IQSEC1: variants seen among roughly 807,000 people sequenced by gnomAD.
The protein encoded by IQSEC1 is IQ motif and Sec7 domain ArfGEF 1, also known as IQ motif and SEC7 domain-containing protein 1.
A neutral mutation model predicts 91.0 loss-of-function variants in IQSEC1; 31 were observed. The ratio of observed to expected loss-of-function variants is 0.34; its 90% CI spans 0.26 to 0.46. IQSEC1 has a LOEUF of 0.46. Among genes scored for constraint, IQSEC1 ranks in the 20% least tolerant of loss-of-function variants. The probability of loss-of-function intolerance (pLI) is 1.00; values close to 1 mark genes in which losing one functional copy is unlikely to be tolerated. For missense variants in IQSEC1, 1,388 were observed against 1,575.6 expected, an observed-to-expected ratio of 0.88 and a Z score of 2.02; for synonymous variants, 699 against 662.6, an observed-to-expected ratio of 1.05 and a Z score of -0.84.
chr3:13,138,506 G>A (rs1444760084), intron 2 of IQSEC1, among the ~76,000 whole-genome samples: 2 of 152,168 alleles, frequency 1.3e-5, no homozygotes, highest in East Asian at 3.9e-4. Flanking sequence ...CCCACTATCT[G>A]TCCAGGCTGT....
At chr3:13,122,437 T>A in intron 2 of IQSEC1, among the ~76,000 whole-genome samples, 1 of 151,910 alleles carries the variant, frequency 6.6e-6, no homozygotes. Context: ...GCAGTTGGGT[T>A]TTATTAGGTC....
intron 1 of IQSEC1, among the ~76,000 whole-genome samples, chr3:13,245,199 C>T (rs1004049921): frequency 1.3e-5 from 2 of 152,132 alleles, no homozygotes; most frequent in African/African-American, 4.8e-5. Flanking sequence ...GCTGGACTAG[C>T]GAAGCCATGA....
intron 1 of IQSEC1, among the ~76,000 whole-genome samples, chr3:13,194,120 C>G (rs527894122): frequency 6.6e-6 from 1 of 152,308 alleles, no homozygotes; most frequent in East Asian, 1.9e-4. Flanking sequence ...GCCACCACCA[C>G]GAGCTCATTT....
Position 12,935,478 on chromosome 3 carries a change from T to C in IQSEC1, c.1538A>G (p.His513Arg). The change falls in exon 3 of 14, where the codon CAC becomes CGC. Residue 513 changes from histidine (H) to arginine (R), a missense_variant. By Grantham distance (29) the His-to-Arg change is conservative. Coordinates refer to ENST00000613206, the MANE Select transcript of IQSEC1 (RefSeq NM_001134382.3). This position sits in a 1 kb window ranked among gnomAD's most constrained non-coding sequence, Gnocchi z 8.0. Reference protein sequence around the residue: ...AFSNDVIRKRHYRIGLNLFNK... With the variant: ...AFSNDVIRKRRYRIGLNLFNK... ...GAAGAGGTTCAGGCCGATGCGGTAG[T>C]GCCTCTTGCGGATGACATCGTTGCT... The C allele has an allele frequency of 1.2e-6, 2 of 1,613,542 alleles. No individual in the cohort carries two copies. Among genetic ancestry groups the C allele is most frequent in the Non-Finnish European group, 1.7e-6 (2 of 1,179,584 alleles).
At chr3:13,255,290 C>T (rs936503453) in intron 1 of IQSEC1, among the ~76,000 whole-genome samples, 2 of 152,132 alleles carry the variant, frequency 1.3e-5, no homozygotes, top group Non-Finnish European at 2.9e-5. Context: ...TTCCTGAGGA[C>T]GGCTCTGCCT....
intron 1 of IQSEC1, among the ~76,000 whole-genome samples, chr3:13,043,024 C>T (rs952291997): frequency 2.6e-5 from 4 of 152,126 alleles, no homozygotes; most frequent in African/African-American, 4.8e-5. Flanking sequence ...GAAAGGCAGG[C>T]GAAGGAAGAC....
chr3:12,969,989 A>G (rs549883216), intron 1 of IQSEC1, among the ~76,000 whole-genome samples: 1 of 152,328 alleles, frequency 6.6e-6, no homozygotes, highest in Non-Finnish European at 1.5e-5. Flanking sequence ...AGAGGCAGAG[A>G]AGGCCAATTT....
Position 12,994,404 on chromosome 3 carries a change from G to A in IQSEC1, c.24-52539C>T, listed in dbSNP as rs1415677568. Among the ~76,000 whole-genome samples, 1 of 151,518 alleles carries A rather than the reference G, an allele frequency of 6.6e-6. No individual in the cohort carries two copies. The highest frequency in any genetic ancestry group is 1.5e-5 in the Non-Finnish European group (1 of 67,764). Reference sequence around the variant, plus strand: ...CGCCCCGGCCGCCGACGTCACCCGAGCCTGGACGAGTGGAGGGCGCTCAGG... The same window carrying A: ...CGCCCCGGCCGCCGACGTCACCCGAACCTGGACGAGTGGAGGGCGCTCAGG... On this transcript the variant is annotated intron_variant, in intron 1 of 13. Transcript: ENST00000613206. This position sits in a 1 kb window ranked among gnomAD's most constrained non-coding sequence, Gnocchi z 4.5.
Position 12,915,088 on chromosome 3 carries a change from C to A in IQSEC1, c.2190+16G>T. 1 of 1,600,824 alleles carries A rather than the reference C, an allele frequency of 6.2e-7. No individual in the cohort carries two copies. The highest frequency in any genetic ancestry group is 8.5e-7 in the Non-Finnish European group (1 of 1,172,740). On this transcript the variant is annotated intron_variant, in intron 8 of 13. Transcript: ENST00000613206. Reference sequence around the variant, plus strand: ...CGGCGGGCTACCCACAAAGGTAAAACCAGAGAAATACTCACACAGCCGAGC... The same window carrying A: ...CGGCGGGCTACCCACAAAGGTAAAAACAGAGAAATACTCACACAGCCGAGC...
intron 1 of IQSEC1, among the ~76,000 whole-genome samples, chr3:13,058,922 G>A (rs1018781633): frequency 1.3e-5 from 2 of 152,242 alleles, no homozygotes; most frequent in Admixed American, 6.5e-5. Context: ...TTTGGCCAGC[G>A]GCGGACAGCG....
In IQSEC1 at chr3:12,940,518, C is replaced by T. The variant is rs980151406; in HGVS notation, c.318+1053G>A. Among the ~76,000 whole-genome samples, 1 of 151,964 alleles carries T rather than the reference C, an allele frequency of 6.6e-6. No homozygotes were observed. Among genetic ancestry groups the T allele is most frequent in the Non-Finnish European group, 1.5e-5 (1 of 67,966 alleles). ...TGTGGGTGGGAGTGAAGGCCAGGGG[C>T]TTCTGCAGCATGGAGTCTGGGAAGA... On this transcript the variant is annotated intron_variant, in intron 2 of 13. Transcript: ENST00000613206. The surrounding 1 kb of genome is among the most constrained non-coding windows in gnomAD (Gnocchi z 4.4).
chr3:13,170,399 G>T (rs1693584007), intron 1 of IQSEC1, among the ~76,000 whole-genome samples: 1 of 152,252 alleles, frequency 6.6e-6, no homozygotes, highest in South Asian at 2.1e-4. Flanking sequence ...CAGTGTGGAA[G>T]GGAGTCCCAC....
At chr3:13,175,170 C>T (rs1390539328) in intron 1 of IQSEC1, among the ~76,000 whole-genome samples, 1 of 152,186 alleles carries the variant, frequency 6.6e-6, no homozygotes, top group Non-Finnish European at 1.5e-5. Flanking sequence ...CTTCCAGGAG[C>T]TTCCCGTGAT....
Position 13,073,091 on chromosome 3 carries a change from C to T in IQSEC1, c.-77G>A, listed in dbSNP as rs1023301209. 30 of 1,517,978 alleles carry T rather than the reference C, an allele frequency of 2.0e-5. No homozygotes were observed. The Admixed American group carries it at 4.8e-4, about 24-fold the overall frequency. The allele number at this position is 1,517,978 out of a possible 1,614,324, so 94.0% of individuals were successfully genotyped here. On this transcript the variant is annotated 5_prime_UTR_variant, in exon 1 of 14. Transcript: ENST00000613206. ...TCAACGTGTTTCCAAGAGGAGCAGG[C>T]GGCTCAGGCAAGAAGTGGAGGGGAA...
intron 1 of IQSEC1, among the ~76,000 whole-genome samples, chr3:12,969,515 G>C (rs913987408): frequency 2.7e-4 from 41 of 152,226 alleles, no homozygotes; most frequent in African/African-American, 8.9e-4. Flanking sequence ...TCATGGTTAG[G>C]GTAGGGGTAG....
intron 2 of IQSEC1, among the ~76,000 whole-genome samples, chr3:13,083,040 A>G (rs1280258661): frequency 1.3e-5 from 2 of 152,138 alleles, no homozygotes; most frequent in Admixed American, 1.3e-4. Flanking sequence ...GGACTCTGTA[A>G]TAATTACACA....
rs377271778 is a variant in IQSEC1 at position 12,936,098 on chromosome 3, C to T, written c.918G>A (p.Gln306=). Residue 306 remains glutamine, a synonymous_variant, in exon 3 of 14, where the codon CAG becomes CAA. Transcript: ENST00000613206. Reference sequence around the variant, plus strand: ...CGGTGCTGGACGGCCGGTCCCCTGCCTGCGAGAGGGGCAGAGGGGGCGACA... The same window carrying T: ...CGGTGCTGGACGGCCGGTCCCCTGCTTGCGAGAGGGGCAGAGGGGGCGACA... The part of the protein sequence containing the change: ...EELSPPLPLS[Q]AGDRPSSTES... The T allele has an allele frequency of 1.1e-5, 18 of 1,610,812 alleles. No homozygotes were observed. Among genetic ancestry groups the T allele is most frequent in the Non-Finnish European group, 1.5e-5 (18 of 1,179,792 alleles).
intron 2 of IQSEC1, among the ~76,000 whole-genome samples, chr3:13,157,895 G>A (rs775375292): frequency 5.9e-5 from 9 of 152,208 alleles, no homozygotes; most frequent in Non-Finnish European, 1.2e-4. Flanking sequence ...TCTTTGCTCC[G>A]ATTTCATCAT....
chr3:13,273,488 C>G (rs1191750672), intron 1 of IQSEC1, among the ~76,000 whole-genome samples: 1 of 152,216 alleles, frequency 6.6e-6, no homozygotes, highest in Non-Finnish European at 1.5e-5. Context: ...CACGGCCCCT[C>G]CCATCTGGAG....
Sources: gnomAD v4.1 joint callset for allele counts (sites outside exome capture counted in the v4.1 genomes callset) on GRCh38, gnomAD v4.1.1 for gene constraint, Gnocchi (gnomAD v3.1) non-coding constraint, MANE v1.5 for transcripts, NCBI Gene and HGNC (gene_info 2026-07-23, HGNC 2026-07-21) for gene names.